Variants in EIF2AK2 observed in about 807,000 individuals in gnomAD.
The protein encoded by EIF2AK2 is interferon-induced, double-stranded RNA-activated protein kinase.
Under a neutral mutation model 70.5 loss-of-function variants are expected in EIF2AK2, and 40 were observed. The ratio of observed to expected loss-of-function variants is 0.57; its 90% CI spans 0.44 to 0.74. The LOEUF (loss-of-function observed/expected upper bound fraction) is 0.74. EIF2AK2 is among the 30% of genes least tolerant of loss of function. The probability of loss-of-function intolerance (pLI) is 0.00; values close to 1 mark genes in which losing one functional copy is unlikely to be tolerated. For synonymous variants in EIF2AK2, 198 were observed against 220.9 expected (o/e 0.90, Z 0.92); for missense variants, 555 against 644.3 (o/e 0.86, Z 1.50).
intron 10 of EIF2AK2, among the ~76,000 whole-genome samples, chr2:37,134,784 A>G (rs914828114): frequency 1.3e-5 from 2 of 150,736 alleles, no homozygotes; most frequent in African/African-American, 2.5e-5. Context: ...GCACCAACAC[A>G]TATCTTTGTC....
chr2:37,151,290 G>T (rs1418689935), intron 1 of EIF2AK2, among the ~76,000 whole-genome samples: 1 of 152,064 alleles, frequency 6.6e-6, no homozygotes, highest in Non-Finnish European at 1.5e-5. Flanking sequence ...AAAGGGGCTT[G>T]AACAGACATC....
rs1673885078 is a variant in EIF2AK2, at chr2:37,103,719, A to C, written c.*3554T>G. ...ACTGTCATCTAGATTTACCAATTGT[A>C]CAATGGCTAATATTTTGCCACATGT... is the stretch of plus-strand genomic sequence containing the variant. On this transcript the variant is annotated 3_prime_UTR_variant, in exon 17 of 17. Coordinates refer to ENST00000233057, the MANE Select transcript of EIF2AK2 (RefSeq NM_001135651.3). 1 of 152,272 alleles carries C rather than the reference A, an allele frequency of 6.6e-6. No homozygotes were observed. The highest frequency in any genetic ancestry group is 1.5e-5 in the Non-Finnish European group (1 of 68,060). The allele number at this position is 152,272 out of a possible 1,614,324, so 9.4% of individuals were successfully genotyped here.
chr2:37,120,299 C>T (rs1032155400), intron 12 of EIF2AK2, among the ~76,000 whole-genome samples, 160 bp from the exon 13 acceptor site: 1 of 151,424 alleles, frequency 6.6e-6, no homozygotes, highest in South Asian at 2.1e-4. Context: ...GGGCGGATCA[C>T]GAGGTCAGGA....
intron 14 of EIF2AK2, among the ~76,000 whole-genome samples, chr2:37,109,853 T>C (rs572575129): frequency 6.6e-6 from 1 of 152,206 alleles, no homozygotes; most frequent in African/African-American, 2.4e-5. Context: ...CATATGAAGG[T>C]CAAAAACGGG....
chr2:37,124,246 G>C (rs1674654736), intron 11 of EIF2AK2, among the ~76,000 whole-genome samples: 1 of 151,862 alleles, frequency 6.6e-6, no homozygotes, highest in South Asian at 2.1e-4. Context: ...AGGATTACAG[G>C]CCTGAGCCAC....
intron 13 of EIF2AK2, among the ~76,000 whole-genome samples, chr2:37,117,933 G>C (rs934161028): frequency 1.3e-5 from 2 of 152,172 alleles, no homozygotes; most frequent in Non-Finnish European, 2.9e-5. Flanking sequence ...CACCTTCATT[G>C]TATCTTTTCT....
At chr2:37,108,373 T>C (rs971625766) in intron 15 of EIF2AK2, among the ~76,000 whole-genome samples, 3 of 152,134 alleles carry the variant, frequency 2.0e-5, no homozygotes, top group Non-Finnish European at 4.4e-5. Context: ...GAATCAACTT[T>C]TCTGTTTTGG....
At chr2:37,148,693 T>C (rs1226695968) in intron 2 of EIF2AK2, 164 bp downstream of exon 2, 6 of 817,302 alleles carry the variant, frequency 7.3e-6, no homozygotes, top group Non-Finnish European at 1.3e-5. Context: ...ACAATACAAT[T>C]TGCTTTCATC....
At chr2:37,133,268 T>A (rs529707831) in intron 10 of EIF2AK2, among the ~76,000 whole-genome samples, 1 of 152,326 alleles carries the variant, frequency 6.6e-6, no homozygotes, top group East Asian at 1.9e-4. Context: ...AACTCATGTA[T>A]GGGAGTTTTG....
Position 37,107,386 on chromosome 2 carries a change from G to T in EIF2AK2, c.1543C>A (p.Leu515Ile). The part of the protein sequence containing the change: ...DIFDKKEKTL[L>I]QKLLSKKPED... ...GGTTTCTTTGAGAGTAATTTCTGTA[G>T]AAGAGTTTTCTGCAATGACAGTGAG... Residue 515 changes from leucine to isoleucine, a missense_variant, in exon 17 of 17, where the codon CTA (leucine) becomes ATA (isoleucine). Around this residue, in one of 3 missense-constraint regions of EIF2AK2, gnomAD observed 299 missense variants for 375.4 expected, o/e 0.80. Transcript: ENST00000233057. The T allele has an allele frequency of 6.2e-7, 1 of 1,613,628 alleles. No homozygotes were observed. The highest frequency in any genetic ancestry group is 1.1e-5 in the South Asian group (1 of 90,900).
chr2:37,138,608 G>T (rs755819760), intron 6 of EIF2AK2, 23 bp from the exon 7 acceptor site: 1 of 1,608,700 alleles, frequency 6.2e-7, no homozygotes, highest in Non-Finnish European at 8.5e-7. Flanking sequence ...GTATCCCTTA[G>T]TAGGCTTAAA....
At chr2:37,137,507 C>T (rs762128154) in intron 8 of EIF2AK2, among the ~76,000 whole-genome samples, 6 of 152,190 alleles carry the variant, frequency 3.9e-5, no homozygotes, top group African/African-American at 7.2e-5. Context: ...GAGGGTCTCA[C>T]TATGTTGCCT....
intron 13 of EIF2AK2, chr2:37,115,236 T>G (rs1674300033): frequency 5.0e-6 from 1 of 201,606 alleles, no homozygotes; most frequent in South Asian, 7.1e-5. Context: ...TTTTTTTTTT[T>G]TTTTTTTAGT....
At chr2:37,155,835 G>C (rs952142564) in intron 1 of EIF2AK2, among the ~76,000 whole-genome samples, 1 of 151,794 alleles carries the variant, frequency 6.6e-6, no homozygotes, top group Non-Finnish European at 1.5e-5. Context: ...CAGCTACCTG[G>C]GAGGCTGAGG....
rs1419782599 is a variant in EIF2AK2, at chr2:37,148,721, G to C, written c.-17+136C>G. 5 of 829,940 alleles carry C rather than the reference G, an allele frequency of 6.0e-6. No homozygotes were observed. In the East Asian group the frequency reaches 7.4e-5, roughly 12 times the overall value. 51.4% of individuals were successfully genotyped at this position (829,940 alleles called of 1,614,324 possible). On this transcript the variant is annotated intron_variant, in intron 2 of 16. Transcript: ENST00000233057. ...CTTTCATCACATAAAAATTTATATT[G>C]ACAGATTTGAGGATTTACAGAAGTC...
chr2:37,107,262 T>C lies in EIF2AK2; in HGVS notation c.*11A>G. ...TGCATATCAGAAGCAGGATACTTTT[T>C]CAGAAGGGCTCTAACATGTGTGTCG... On this transcript the variant is annotated 3_prime_UTR_variant, in exon 17 of 17. Coordinates refer to ENST00000233057, the MANE Select transcript of EIF2AK2 (RefSeq NM_001135651.3). The C allele has an allele frequency of 6.2e-7, 1 of 1,603,756 alleles. No homozygotes were observed. Among genetic ancestry groups the C allele is most frequent in the Non-Finnish European group, 8.5e-7 (1 of 1,177,266 alleles).
chr2:37,153,907 A>G (rs1359811658), intron 1 of EIF2AK2, among the ~76,000 whole-genome samples: 1 of 152,242 alleles, frequency 6.6e-6, no homozygotes, highest in Non-Finnish European at 1.5e-5. Context: ...TGTTTTCCAC[A>G]GTGGTTACAC....
intron 1 of EIF2AK2, 194 bp from the exon 2 acceptor site, chr2:37,149,217 C>G (rs919594940): frequency 5.5e-6 from 6 of 1,098,718 alleles, no homozygotes; most frequent in Middle Eastern, 2.0e-4. Flanking sequence ...AAGTGTGGAG[C>G]TGAATGCCAC....
chr2:37,136,389 C>G (rs185244319), intron 9 of EIF2AK2, among the ~76,000 whole-genome samples: 1 of 152,340 alleles, frequency 6.6e-6, no homozygotes, highest in Non-Finnish European at 1.5e-5. Context: ...CTCACACATT[C>G]TCCTCATCCC....
Sources: allele counts gnomAD v4.1 joint callset (sites outside exome capture counted in the v4.1 genomes callset), GRCh38; gene constraint gnomAD v4.1.1; regional missense constraint gnomAD v4.1.1; transcripts MANE v1.5; gene names NCBI Gene and HGNC (gene_info 2026-07-23, HGNC 2026-07-21).